PTK2B: variants seen among roughly 807,000 people sequenced by gnomAD.
PTK2B encodes protein-tyrosine kinase 2-beta.
Under a neutral mutation model 142.9 loss-of-function variants are expected in PTK2B, and 71 were observed. That is an observed-to-expected ratio of 0.50 (90% CI 0.41 to 0.61). PTK2B has a LOEUF of 0.61. Among genes scored for constraint, PTK2B ranks in the 20% least tolerant of loss-of-function variants. The probability of loss-of-function intolerance (pLI) is 0.00; values close to 1 mark genes in which losing one functional copy is unlikely to be tolerated. For missense variants in PTK2B, 1,105 were observed against 1,320.4 expected, an observed-to-expected ratio of 0.84 and a Z score of 2.53; for synonymous variants, 519 against 503.4, an observed-to-expected ratio of 1.03 and a Z score of -0.42.
At chr8:27,386,158 A>G (rs1046111159) in intron 1 of PTK2B, among the ~76,000 whole-genome samples, 10 of 151,932 alleles carry the variant, frequency 6.6e-5, no homozygotes, top group African/African-American at 2.4e-4. Context: ...TTCATGCACT[A>G]CTCATATTTT....
intron 1 of PTK2B, among the ~76,000 whole-genome samples, chr8:27,372,528 G>A (rs2130948944): frequency 6.6e-6 from 1 of 152,292 alleles, no homozygotes; most frequent in Middle Eastern, 3.4e-3. Context: ...TCGTTAGGGA[G>A]GTCGATCCAC....
chr8:27,414,436 C>T (rs1051605733), intron 2 of PTK2B, among the ~76,000 whole-genome samples: 12 of 152,068 alleles, frequency 7.9e-5, no homozygotes, highest in Admixed American at 7.2e-4. Flanking sequence ...TTAGTAGAGA[C>T]GGGGTTTCAC....
At chr8:27,419,051 G>T (rs1809579745) in intron 2 of PTK2B, among the ~76,000 whole-genome samples, 1 of 152,064 alleles carries the variant, frequency 6.6e-6, no homozygotes, top group African/African-American at 2.4e-5. Flanking sequence ...TGGCACCAAA[G>T]TGATTTCAGA....
At chr8:27,383,900 G>C (rs1467311892) in intron 1 of PTK2B, among the ~76,000 whole-genome samples, 2 of 144,168 alleles carry the variant, frequency 1.4e-5, no homozygotes, top group South Asian at 2.2e-4. Flanking sequence ...CCAGGCTGGA[G>C]TGCAATGGTG....
intron 1 of PTK2B, among the ~76,000 whole-genome samples, chr8:27,350,745 G>T (rs6987465): frequency 0.78 from 117,434 of 150,950 alleles, 46,370 homozygotes; most frequent in Middle Eastern, 0.87. Flanking sequence ...TTGGGAGGCC[G>T]AGGCAGGTCA....
chr8:27,384,761 G>A (rs533728208), intron 1 of PTK2B, among the ~76,000 whole-genome samples: 119 of 152,290 alleles, frequency 7.8e-4, no homozygotes, highest in African/African-American at 2.7e-3. Context: ...CATGCACTAG[G>A]TCAGGTTAAG....
chr8:27,393,618 G>A (rs1193480577), intron 1 of PTK2B, among the ~76,000 whole-genome samples: 3 of 152,154 alleles, frequency 2.0e-5, no homozygotes, highest in Non-Finnish European at 2.9e-5. Flanking sequence ...GCCAGGCTGC[G>A]GAATGGGAGG....
At chr8:27,412,929 C>T (rs1809157824) in intron 2 of PTK2B, among the ~76,000 whole-genome samples, 1 of 152,146 alleles carries the variant, frequency 6.6e-6, no homozygotes, top group Non-Finnish European at 1.5e-5. Flanking sequence ...TGATACAAAT[C>T]TTATTCAACC....
chr8:27,310,800 C>T, upstream of PTK2B: 1 of 1,582,418 alleles, frequency 6.3e-7, no homozygotes, highest in Non-Finnish European at 8.6e-7. Context: ...GCTGCTCTTA[C>T]CCGAAAGTCG....
chr8:27,334,220 A>G (rs1304517119), intron 1 of PTK2B, among the ~76,000 whole-genome samples: 2 of 152,038 alleles, frequency 1.3e-5, no homozygotes, highest in Non-Finnish European at 2.9e-5. Flanking sequence ...GCTTCGTCCT[A>G]TCTCTGGTTC....
At chr8:27,441,088 CTA>C (rs1280123481) in intron 21 of PTK2B, among the ~76,000 whole-genome samples, 2 of 152,086 alleles carry the variant, frequency 1.3e-5, no homozygotes, top group Admixed American at 6.6e-5. Flanking sequence ...TAAGCATTTT[CTA>C]TAAAGGGCCA....
At chr8:27,319,561 A>G (rs547126011) in intron 3 of PTK2B, among the ~76,000 whole-genome samples, 3 of 150,554 alleles carry the variant, frequency 2.0e-5, no homozygotes, top group Non-Finnish European at 4.4e-5. Flanking sequence ...GGAGAATGGC[A>G]TGAACCTGGG....
intron 5 of PTK2B, among the ~76,000 whole-genome samples, chr8:27,426,524 A>T (rs758592052): frequency 6.6e-6 from 1 of 152,246 alleles, no homozygotes; most frequent in Non-Finnish European, 1.5e-5. Context: ...TGGGGAGAGC[A>T]GCGTCTCCCT....
intron 2 of PTK2B, among the ~76,000 whole-genome samples, chr8:27,405,645 C>T (rs1351506129): frequency 6.6e-6 from 1 of 152,214 alleles, no homozygotes; most frequent in Non-Finnish European, 1.5e-5. Context: ...CACACAGACA[C>T]CTACAGAGGC....
intron 24 of PTK2B, among the ~76,000 whole-genome samples, chr8:27,446,502 G>T (rs534452072): frequency 6.6e-6 from 1 of 152,266 alleles, no homozygotes; most frequent in South Asian, 2.1e-4. Context: ...TGCTGGTGAA[G>T]CCCGGAGTGC....
At chr8:27,444,292 C>T (rs528660987) in intron 23 of PTK2B, 21 bp downstream of exon 23, 37 of 1,606,706 alleles carry the variant, frequency 2.3e-5, no homozygotes, top group African/African-American at 9.3e-5. Context: ...AACCAGAGGA[C>T]GGGAACTTCA....
chr8:27,351,886 C>T (rs190539902), intron 1 of PTK2B, among the ~76,000 whole-genome samples: 16 of 152,324 alleles, frequency 1.1e-4, no homozygotes, highest in Admixed American at 5.2e-4. Context: ...CGTAGCCCAT[C>T]CACTGGAGGG....
Position 27,431,382 on chromosome 8 carries a change from T to C in PTK2B, c.811-16T>C, listed in dbSNP as rs1736509633. On this transcript the variant is annotated splice_polypyrimidine_tract_variant and intron_variant, in intron 8 of 30. Transcript: ENST00000346049. ...GGACAGCTCTGGAACAACAGTCCAC[T>C]CTCCTTTTATTCCAGCAAGGATGGA... 6.2e-7 allele frequency: 1 copy of C among 1,614,182 alleles called. No homozygotes were observed. The highest frequency in any genetic ancestry group is 8.5e-7 in the Non-Finnish European group (1 of 1,180,030).
At chr8:27,332,797 G>T (rs1056902154) in intron 1 of PTK2B, among the ~76,000 whole-genome samples, 1 of 152,182 alleles carries the variant, frequency 6.6e-6, no homozygotes, top group Admixed American at 6.5e-5. Context: ...GGCCAGGCTG[G>T]TGTTGAACAC....
Sources: gnomAD v4.1 joint callset for allele counts (sites outside exome capture counted in the v4.1 genomes callset) on GRCh38, gnomAD v4.1.1 for gene constraint, MANE v1.5 for transcripts, NCBI Gene and HGNC (gene_info 2026-07-23, HGNC 2026-07-21) for gene names.